PPP1R12B: variants seen among roughly 807,000 people sequenced by gnomAD.
The protein encoded by PPP1R12B is myosin phosphatase target subunit 2.
In PPP1R12B, 76 loss-of-function variants were observed where a neutral mutation model predicts 126.1. The observed-to-expected ratio is 0.60, with a 90% CI of 0.50 to 0.73. The LOEUF (loss-of-function observed/expected upper bound fraction) is 0.73. PPP1R12B is among the 30% of genes least tolerant of loss of function. The probability of loss-of-function intolerance (pLI) is 0.00; values close to 1 mark genes in which losing one functional copy is unlikely to be tolerated. For synonymous variants in PPP1R12B, 356 were observed against 434.7 expected (o/e 0.82, Z 2.25); for missense variants, 1,052 against 1,205.1 (o/e 0.87, Z 1.88).
intron 18 of PPP1R12B, among the ~76,000 whole-genome samples, chr1:202,556,984 TTTTG>T (rs1237705218): frequency 2.0e-5 from 3 of 152,128 alleles, no homozygotes; most frequent in East Asian, 1.9e-4. Context: ...CTTGGATACT[TTTTG>T]TTTGTTTGTT....
At chr1:202,396,962 G>A (rs564219395) in intron 1 of PPP1R12B, among the ~76,000 whole-genome samples, 2 of 152,068 alleles carry the variant, frequency 1.3e-5, no homozygotes. Context: ...TTAATCTCAC[G>A]CTATCCAACC....
intron 23 of PPP1R12B, 112 bp downstream of exon 23, chr1:202,569,309 G>C (rs1688364553): frequency 1.9e-6 from 2 of 1,078,966 alleles, no homozygotes; most frequent in African/African-American, 3.2e-5. Context: ...CTCAATATCT[G>C]CAAGAAGAAA....
At chr1:202,530,627 TA>T (rs1342496701) in intron 18 of PPP1R12B, among the ~76,000 whole-genome samples, 2 of 152,204 alleles carry the variant, frequency 1.3e-5, no homozygotes, top group Non-Finnish European at 2.9e-5. Context: ...TGATTAAATA[TA>T]TGGGAGCAAG....
rs1157319601 is a variant in PPP1R12B at position 202,580,751 on chromosome 1, C to T, written c.*191C>T. 1 of 553,680 alleles carries T rather than the reference C, an allele frequency of 1.8e-6. No homozygotes were observed. Among genetic ancestry groups the T allele is most frequent in the Admixed American group, 3.1e-5 (1 of 32,632 alleles). 34.3% of individuals were successfully genotyped at this position (553,680 alleles called of 1,614,324 possible). On this transcript the variant is annotated 3_prime_UTR_variant, in exon 24 of 24. Transcript: ENST00000608999. ...CTTTCAATGCCCTGTTCTTCCAAAC[C>T]CCTATCCCAAGTTTTATGACAGTTT... is the stretch of plus-strand genomic sequence containing the variant.
intron 18 of PPP1R12B, among the ~76,000 whole-genome samples, chr1:202,528,019 G>C (rs2148931252): frequency 6.6e-6 from 1 of 152,328 alleles, no homozygotes; most frequent in East Asian, 1.9e-4. Flanking sequence ...GTGTGGACCA[G>C]CTTTGCTCTT....
At chr1:202,450,036 C>T (rs1362073084) in intron 13 of PPP1R12B, among the ~76,000 whole-genome samples, 1 of 152,142 alleles carries the variant, frequency 6.6e-6, no homozygotes, top group Non-Finnish European at 1.5e-5. Context: ...GTGATAGAGA[C>T]AATTGTTAGG....
rs146878275 is a variant in PPP1R12B at position 202,357,141 on chromosome 1, A to G, written c.291+7999A>G. ...TTGTGAGCCACTGCATCTGGCCATGATTCAGACTTCTGACCTCCAGAATGC... is the reference window on the plus strand; with the variant it reads ...TTGTGAGCCACTGCATCTGGCCATGGTTCAGACTTCTGACCTCCAGAATGC... On this transcript the variant is annotated intron_variant, in intron 1 of 23. Coordinates refer to ENST00000608999, the MANE Select transcript of PPP1R12B (RefSeq NM_002481.4). 2.6e-3 allele frequency among the ~76,000 whole-genome samples: 403 copies of G among 152,294 alleles called. 3 individuals are homozygous for G. The highest frequency in any genetic ancestry group is 7.2e-3 in the Admixed American group (110 of 15,282).
At chr1:202,438,315 A>T (rs562402495) in intron 10 of PPP1R12B, 2 of 1,435,088 alleles carry the variant, frequency 1.4e-6, no homozygotes, top group Non-Finnish European at 1.9e-6. Flanking sequence ...CAACATAAAA[A>T]TTTCAGTATG....
rs141337685 is a variant in PPP1R12B, at chr1:202,409,600, G to A, written c.292-7187G>A. Among the ~76,000 whole-genome samples, 380 of 152,234 alleles carry A rather than the reference G, an allele frequency of 2.5e-3. 3 individuals are homozygous for A. Among genetic ancestry groups the A allele is most frequent in the African/African-American group, 8.9e-3 (368 of 41,544 alleles). On this transcript the variant is annotated intron_variant, in intron 1 of 23. Coordinates refer to ENST00000608999, the MANE Select transcript of PPP1R12B (RefSeq NM_002481.4). ...CTCCCAAAGTGCTGAGATTACAGGT[G>A]TGACCCACAACGCCCAGCCAACACT... is the stretch of plus-strand genomic sequence containing the variant.
intron 10 of PPP1R12B, chr1:202,438,683 G>A: frequency 1.7e-6 from 1 of 600,406 alleles, no homozygotes; most frequent in Middle Eastern, 3.4e-4. Flanking sequence ...AGGGCCGCCG[G>A]GTTCAAGCCG....
At position 202,401,082 on chromosome 1, in the gene PPP1R12B, G is replaced by A. The variant is rs187974141; in HGVS notation, c.292-15705G>A. On this transcript the variant is annotated intron_variant, in intron 1 of 23. Transcript: ENST00000608999. ...ATTTTACTGGAACCCAGCTATAGTC[G>A]TTGGTTTAGTATTGTCTATAGCTGC... is the stretch of plus-strand genomic sequence containing the variant. 1.1e-3 allele frequency among the ~76,000 whole-genome samples: 175 copies of A among 152,278 alleles called. 1 individual carries two copies. The highest frequency in any genetic ancestry group is 2.0e-3 in the Non-Finnish European group (138 of 68,026).
chr1:202,389,882 G>A (rs566491330), intron 1 of PPP1R12B, among the ~76,000 whole-genome samples: 3 of 146,224 alleles, frequency 2.1e-5, no homozygotes, highest in East Asian at 2.0e-4. Context: ...AGCCAAGATC[G>A]CTCCACTGCA....
intron 1 of PPP1R12B, among the ~76,000 whole-genome samples, chr1:202,403,257 T>TGTAATCTAATTTTTAAAAA (rs1666117021): frequency 6.6e-6 from 1 of 152,232 alleles, no homozygotes; most frequent in East Asian, 1.9e-4. Context: ...GCCCCAGTGT[T>TGTAATCTAATTTTTAAAAA]GTAATCTAAT....
intron 13 of PPP1R12B, among the ~76,000 whole-genome samples, chr1:202,449,938 G>T (rs1279545102): frequency 6.6e-6 from 1 of 152,022 alleles, no homozygotes; most frequent in African/African-American, 2.4e-5. Context: ...CGCCCGCCTC[G>T]GCCTCCCAAA....
chr1:202,521,744 C>T (rs1229831639), intron 18 of PPP1R12B, among the ~76,000 whole-genome samples: 2 of 152,014 alleles, frequency 1.3e-5, no homozygotes, highest in Non-Finnish European at 2.9e-5. Flanking sequence ...CATACATCTG[C>T]TAGGAGTTGC....
chr1:202,462,971 T>G, intron 13 of PPP1R12B: 1 of 985,310 alleles, frequency 1.0e-6, no homozygotes, highest in Non-Finnish European at 1.2e-6. Context: ...GAAGTTGATC[T>G]GGGTGTTCTG....
chr1:202,444,909 C>A, intron 12 of PPP1R12B: 1 of 628,458 alleles, frequency 1.6e-6, no homozygotes. Context: ...TGGAGTTGAT[C>A]ACTTCACTTC....
intron 23 of PPP1R12B, 21 bp downstream of exon 23, chr1:202,569,218 T>C: frequency 6.2e-7 from 1 of 1,607,554 alleles, no homozygotes; most frequent in Non-Finnish European, 8.5e-7. Context: ...ATTTTCTTTC[T>C]TTTTGTATGC....
chr1:202,572,254 A>G (rs554363219), intron 23 of PPP1R12B, among the ~76,000 whole-genome samples: 68 of 152,306 alleles, frequency 4.5e-4, no homozygotes, highest in African/African-American at 1.6e-3. Flanking sequence ...TTGCATATTC[A>G]TTTTGTACAG....
Sources: gnomAD v4.1 joint callset for allele counts (sites outside exome capture counted in the v4.1 genomes callset) on GRCh38, gnomAD v4.1.1 for gene constraint, MANE v1.5 for transcripts, NCBI Gene and HGNC (gene_info 2026-07-23, HGNC 2026-07-21) for gene names.